Variants in CDHR1 observed in about 807,000 individuals in gnomAD.
The protein encoded by CDHR1 is cadherin related family member 1, also known as cadherin-related family member 1.
A neutral mutation model predicts 72.1 loss-of-function variants in CDHR1; 61 were observed. The observed-to-expected ratio is 0.85, with a 90% CI of 0.69 to 1.05. The LOEUF is 1.05. Ranked by LOEUF, CDHR1 falls within the 50% of genes least tolerant of loss-of-function variation. The pLI is 0.00. For missense variants in CDHR1, 1,186 were observed against 1,115.7 expected (o/e 1.06, Z -0.90); for synonymous variants, 470 against 448.1 (o/e 1.05, Z -0.62).
Position 84,203,039 on chromosome 10 carries a change from G to T in CDHR1, c.699G>T (p.Thr233=). The T allele has an allele frequency of 6.2e-7, 1 of 1,614,182 alleles. No homozygotes were observed. The highest frequency in any genetic ancestry group is 8.5e-7 in the Non-Finnish European group (1 of 1,180,014). ...TGTTCTCAGCCACCACCACGGTCAC[G>T]GTCAATGTGGAGGATGTTCAGGACA... ...DVVFSATTTV[T]VNVEDVQDMA... is the part of the protein sequence containing the mutation. Residue 233 remains threonine (T), a synonymous_variant, in exon 8 of 17, where the codon ACG becomes ACT. Transcript: ENST00000623527.
chr10:84,197,416 AGAGAAAAGGG>A (rs1842047999), intron 3 of CDHR1, among the ~76,000 whole-genome samples: 1 of 152,106 alleles, frequency 6.6e-6, no homozygotes, highest in Non-Finnish European at 1.5e-5. Flanking sequence ...AGAGGTGTGG[AGAGAAAAGGG>A]GAGAAAAGGG....
Position 84,199,127 on chromosome 10 carries a change from T to C in CDHR1, c.438+6T>C, listed in dbSNP as rs1464994748. 6.5e-7 allele frequency: 1 copy of C among 1,550,144 alleles called. No homozygotes were observed. Among genetic ancestry groups the C allele is most frequent in the African/African-American group, 1.4e-5 (1 of 72,984 alleles). On this transcript the variant is annotated splice_donor_region_variant and intron_variant, in intron 5 of 16. Coordinates refer to ENST00000623527, the MANE Select transcript of CDHR1 (RefSeq NM_033100.4). ...ATGTTGCCCTGGTTCCCGAGGTAAG[T>C]GAGGAGCTGCTAGAGGGGCTGATTT...
chr10:84,208,467 C>A (rs559610110), intron 11 of CDHR1, 90 bp downstream of exon 11: 1 of 1,370,336 alleles, frequency 7.3e-7, no homozygotes. Context: ...ACCTGCTCTG[C>A]GTATGTAGCC....
At chr10:84,211,387 G>A (rs1364605113) in intron 13 of CDHR1, among the ~76,000 whole-genome samples, 1 of 152,212 alleles carries the variant, frequency 6.6e-6, no homozygotes, top group Non-Finnish European at 1.5e-5. Context: ...AACAATCACA[G>A]GGCATGGGAC....
intron 9 of CDHR1, among the ~76,000 whole-genome samples, chr10:84,205,540 ACACACG>A (rs1842209084): frequency 6.6e-6 from 1 of 150,958 alleles, no homozygotes; most frequent in African/African-American, 2.5e-5. Context: ...ACACACACAC[ACACACG>A]TGCACACATG....
At position 84,215,443 on chromosome 10, in the gene CDHR1, G is replaced by A. The variant is rs984264557; in HGVS notation, c.*822G>A. On this transcript the variant is annotated 3_prime_UTR_variant, in exon 17 of 17. Transcript: ENST00000623527. ...AGGAGCTGCCCCACCAGCCATCCTT[G>A]AAGAGACAATTCAGGGCAGTTGATG... 5.1e-6 allele frequency: 5 copies of A among 985,348 alleles called. No homozygotes were observed. The African/African-American group carries it at 8.7e-5, about 17-fold the overall frequency. The allele number at this position is 985,348 out of a possible 1,614,324, so 61.0% of individuals were successfully genotyped here.
At chr10:84,202,035 G>C (rs1266032437) in intron 7 of CDHR1, 115 bp downstream of exon 7, 10 of 776,020 alleles carry the variant, frequency 1.3e-5, no homozygotes, top group Admixed American at 2.0e-5. Flanking sequence ...TGATGGGCGT[G>C]GGGAAATAGG....
chr10:84,212,985 A>C (rs973776548), intron 15 of CDHR1, 106 bp from the exon 16 acceptor site: 3 of 1,399,594 alleles, frequency 2.1e-6, no homozygotes, highest in Admixed American at 3.4e-5. Context: ...TAGGATCAGG[A>C]CCATTTCCCA....
intron 1 of CDHR1, 120 bp from the exon 2 acceptor site, chr10:84,195,374 G>A: frequency 2.2e-6 from 2 of 926,182 alleles, no homozygotes; most frequent in Non-Finnish European, 3.4e-6. Flanking sequence ...GGTTGGGGAG[G>A]CGGAGCGCCC....
At chr10:84,213,473 G>A (rs1842374565) in intron 16 of CDHR1, 125 bp downstream of exon 16, 2 of 1,275,630 alleles carry the variant, frequency 1.6e-6, no homozygotes, top group African/African-American at 1.5e-5. Flanking sequence ...GTTATCAAAG[G>A]CAGCCTGTGC....
intron 10 of CDHR1, among the ~76,000 whole-genome samples, chr10:84,207,183 AC>A (rs1408200443): frequency 6.6e-6 from 1 of 152,120 alleles, no homozygotes; most frequent in African/African-American, 2.4e-5. Context: ...GAATAAAAGC[AC>A]CCAGAGGAAG....
At position 84,212,394 on chromosome 10, in the gene CDHR1, C is replaced by A. The variant is rs1297931245; in HGVS notation, c.1769C>A (p.Pro590Gln). 5 of 1,614,042 alleles carry A rather than the reference C, an allele frequency of 3.1e-6. No homozygotes were observed. The African/African-American group carries it at 6.7e-5, about 22-fold the overall frequency. The change falls in exon 15 of 17, where the codon CCA becomes CAA. Residue 590 changes from proline to glutamine, a missense_variant. Physicochemically the swap from Pro to Gln is moderately conservative, Grantham distance 76. Transcript: ENST00000623527. ...AAGAAGACGATGGTGCTAGGGACCC[C>A]AGTGAAAATTGAGGTAAGTTTTGGA... ...VQKKTMVLGT[P>Q]VKIEAIDEDA...
Position 84,214,079 on chromosome 10 carries a change from C to T in CDHR1, c.2041-3C>T. 1 of 1,614,210 alleles carries T rather than the reference C, an allele frequency of 6.2e-7. No individual in the cohort carries two copies. The highest frequency in any genetic ancestry group is 8.5e-7 in the Non-Finnish European group (1 of 1,180,038). On this transcript the variant is annotated splice_region_variant and splice_polypyrimidine_tract_variant and intron_variant, in intron 16 of 16. Coordinates refer to ENST00000623527, the MANE Select transcript of CDHR1 (RefSeq NM_033100.4). ...GAGTGCAGGGAGTGGCTTTCTCTTT[C>T]AGACCCTCTCCCGGAGCCCCATGGC...
In CDHR1 at chr10:84,216,878, G is replaced by A. The variant is rs927785955; in HGVS notation, c.*2257G>A. On this transcript the variant is annotated 3_prime_UTR_variant, in exon 17 of 17. Coordinates refer to ENST00000623527, the MANE Select transcript of CDHR1 (RefSeq NM_033100.4). ...GGGCAGGAATTGGGAGGCCTAGGGT[G>A]GGCATGAAAGCTTGGGAAGCACTGT... is the stretch of plus-strand genomic sequence containing the variant. 1.0e-6 allele frequency: 1 copy of A among 985,394 alleles called. No homozygotes were observed. The highest frequency in any genetic ancestry group is 6.1e-5 in the Admixed American group (1 of 16,274). 61.0% of individuals were successfully genotyped at this position (985,394 alleles called of 1,614,324 possible).
In CDHR1 at chr10:84,214,195, C is replaced by A. The variant is rs769476448; in HGVS notation, c.2154C>A (p.Leu718=). Residue 718 remains leucine, a synonymous_variant, in exon 17 of 17, where the codon CTC becomes CTA. Transcript: ENST00000623527. ...CCACCGTCGTGGCCATCACTGTCCT[C>A]ATCTCCACCGCCACCTTCTGGCGCA... ...TMATVVAITV[L]ISTATFWRNK... is the part of the protein sequence containing the mutation. 6.2e-7 allele frequency: 1 copy of A among 1,614,202 alleles called. No homozygotes were observed. Among genetic ancestry groups the A allele is most frequent in the South Asian group, 1.1e-5 (1 of 91,080 alleles).
rs1454582388 is a variant in CDHR1 at position 84,216,116 on chromosome 10, C to T, written c.*1495C>T. ...TGCCCTGCTTTAAGGAACCTGCTAT[C>T]AGGAAATCTACATGTGTGCACAGAG... On this transcript the variant is annotated 3_prime_UTR_variant, in exon 17 of 17. Coordinates refer to ENST00000623527, the MANE Select transcript of CDHR1 (RefSeq NM_033100.4). 3.0e-6 allele frequency: 3 copies of T among 985,434 alleles called. No homozygotes were observed. In the African/African-American group the frequency reaches 5.2e-5, roughly 17 times the overall value. The allele number at this position is 985,434 out of a possible 1,614,324, so 61.0% of individuals were successfully genotyped here.
downstream of CDHR1, chr10:84,218,993 C>T: frequency 1.8e-6 from 1 of 564,062 alleles, no homozygotes; most frequent in South Asian, 4.5e-5. Context: ...GTATAATTAC[C>T]AGAATAACCC....
chr10:84,196,537 C>A lies in CDHR1; in HGVS notation c.184C>A (p.Pro62Thr). ...SHVYTLNGTD[P>T]EGDPISYHIS... ...CGTATACACCCTGAATGGGACAGAC[C>A]CTGAGGGAGACCCCATCTCCTACCA... Residue 62 changes from proline (P) to threonine (T), a missense_variant, in exon 3 of 17, where the codon CCT becomes ACT. Pro to Thr is a conservative substitution (Grantham distance 38, BLOSUM62 -1). Coordinates refer to ENST00000623527, the MANE Select transcript of CDHR1 (RefSeq NM_033100.4). 1 of 1,614,180 alleles carries A rather than the reference C, an allele frequency of 6.2e-7. No homozygotes were observed.
In CDHR1 at chr10:84,194,557, G is replaced by A; in HGVS notation, c.-204G>A. 2.2e-6 allele frequency: 1 copy of A among 457,216 alleles called. No individual in the cohort carries two copies. Among genetic ancestry groups the A allele is most frequent in the Non-Finnish European group, 3.8e-6 (1 of 262,962 alleles). 28.3% of individuals were successfully genotyped at this position (457,216 alleles called of 1,614,324 possible). A position where few individuals can be genotyped will look rare whatever the true frequency, so the allele number is the denominator to read the frequency against. On this transcript the variant is annotated 5_prime_UTR_variant, in exon 1 of 17. Transcript: ENST00000623527. ...GCGCCGCTAATTGGTCTCGTCAGGC[G>A]GCCGGCAGGAGCAGATCCGAGCCGT...
Sources: gnomAD v4.1 joint callset for allele counts (sites outside exome capture counted in the v4.1 genomes callset) on GRCh38, gnomAD v4.1.1 for gene constraint, MANE v1.5 for transcripts, NCBI Gene and HGNC (gene_info 2026-07-23, HGNC 2026-07-21) for gene names.